The following STK10 variants were observed in gnomAD, a reference collection of about 807,000 sequenced individuals.
STK10 encodes serine/threonine kinase 10, also known as serine/threonine-protein kinase 10.
STK10 carries 78 observed loss-of-function variants against 113.8 expected under a neutral mutation model. The ratio of observed to expected loss-of-function variants is 0.69; its 90% confidence interval spans 0.57 to 0.83. The LOEUF (loss-of-function observed/expected upper bound fraction) is 0.83, where lower values mean the gene tolerates loss of function less well. STK10 is among the 40% of genes least tolerant of loss of function. The pLI is 0.00. For missense variants in STK10, 1,109 were observed against 1,280.1 expected (o/e 0.87, Z 2.04); for synonymous variants, 465 against 494.7 (o/e 0.94, Z 0.80).
intron 5 of STK10, among the ~76,000 whole-genome samples, chr5:172,107,362 C>G (rs1581159828): frequency 6.6e-6 from 1 of 152,156 alleles, no homozygotes; most frequent in Non-Finnish European, 1.5e-5. Context: ...GAAGGAAACA[C>G]GACAGACTAC....
At chr5:172,116,442 A>C (rs1313879307) in intron 4 of STK10, among the ~76,000 whole-genome samples, 5 of 152,004 alleles carry the variant, frequency 3.3e-5, no homozygotes, top group African/African-American at 1.2e-4. Flanking sequence ...AGAAGTACAC[A>C]TGAGAAGAGC....
intron 13 of STK10, among the ~76,000 whole-genome samples, chr5:172,061,987 T>C (rs181465570): frequency 0.011 from 1,709 of 151,694 alleles, 36 homozygotes; most frequent in African/African-American, 0.039. Context: ...TTTTTCTTTT[T>C]TTTTTTTTGA....
chr5:172,149,812 G>A (rs867924116), intron 2 of STK10, among the ~76,000 whole-genome samples: 3 of 152,000 alleles, frequency 2.0e-5, no homozygotes, highest in South Asian at 2.1e-4. Flanking sequence ...TTGGGAGGCC[G>A]AGGCGGGTGG....
chr5:172,119,271 G>A (rs1489548162), intron 3 of STK10, among the ~76,000 whole-genome samples: 1 of 152,176 alleles, frequency 6.6e-6, no homozygotes, highest in African/African-American at 2.4e-5. Flanking sequence ...GGCAAATGAA[G>A]GGAAAGTGAC....
chr5:172,181,725 G>T lies in STK10; in HGVS notation c.156+6162C>A, dbSNP rs573335106. On this transcript the variant is annotated intron_variant, in intron 1 of 18. Transcript: ENST00000176763. ...TCTCGAACTCCTGACCTCAGGTTAT[G>T]CTCCCACCTCGGGAGGTGGAGGTTG... is the stretch of plus-strand genomic sequence containing the variant. Among the ~76,000 whole-genome samples the T allele has an allele frequency of 2.4e-3, 352 of 148,288 alleles. 1 individual carries two copies. The highest frequency in any genetic ancestry group is 8.5e-3 in the African/African-American group (341 of 40,224).
Position 172,082,933 on chromosome 5 carries a change from G to A in STK10, c.1809+28C>T. On this transcript the variant is annotated intron_variant, in intron 11 of 18. Transcript: ENST00000176763. This position sits in a 1 kb window ranked among gnomAD's most constrained non-coding sequence, Gnocchi z 4.3. ...AGAACACCTGGAGGCAAGAAGCCCTGCAGGGTCCCATCTTTTCTCGCACTC... is the reference window on the plus strand; with the variant it reads ...AGAACACCTGGAGGCAAGAAGCCCTACAGGGTCCCATCTTTTCTCGCACTC... 2 of 1,610,848 alleles carry A rather than the reference G, an allele frequency of 1.2e-6. No individual in the cohort carries two copies. The highest frequency in any genetic ancestry group is 1.7e-6 in the Non-Finnish European group (2 of 1,178,998).
intron 1 of STK10, among the ~76,000 whole-genome samples, chr5:172,180,414 G>A (rs148661042): frequency 0.011 from 1,706 of 152,292 alleles, 40 homozygotes; most frequent in African/African-American, 0.038. Flanking sequence ...GCAGTAAGCC[G>A]AGTTCGTGCC....
At chr5:172,125,877 A>C (rs139576831) in intron 3 of STK10, among the ~76,000 whole-genome samples, 2 of 152,296 alleles carry the variant, frequency 1.3e-5, no homozygotes, top group African/African-American at 4.8e-5. Flanking sequence ...TTTTAGCATT[A>C]TATTTTTGGG....
At chr5:172,121,845 C>T (rs1026127449) in intron 3 of STK10, among the ~76,000 whole-genome samples, 5 of 151,454 alleles carry the variant, frequency 3.3e-5, no homozygotes, top group African/African-American at 1.2e-4. Context: ...GGATTACAGG[C>T]ATGGGCCACT....
intron 4 of STK10, among the ~76,000 whole-genome samples, chr5:172,108,627 A>C (rs1305802085): frequency 6.6e-6 from 1 of 151,290 alleles, no homozygotes; most frequent in Non-Finnish European, 1.5e-5. Context: ...AAAAAAAAAA[A>C]AAAAAAAATT....
chr5:172,128,399 TG>T (rs1769675460), intron 2 of STK10, among the ~76,000 whole-genome samples: 1 of 148,572 alleles, frequency 6.7e-6, no homozygotes, highest in African/African-American at 2.5e-5. Context: ...TAGCGTGCAA[TG>T]GCACAATCTT....
Position 172,187,839 on chromosome 5 carries a change from T to C in STK10, c.156+48A>G, listed in dbSNP as rs1376666869. ...GGGTCCGGCTCAGGCATCCCTTCCTTCCGGAGCCCCTCGACGCGCGTCCGG... is the reference window on the plus strand; with the variant it reads ...GGGTCCGGCTCAGGCATCCCTTCCTCCCGGAGCCCCTCGACGCGCGTCCGG... On this transcript the variant is annotated intron_variant, in intron 1 of 18. Coordinates refer to ENST00000176763, the MANE Select transcript of STK10 (RefSeq NM_005990.4). This position sits in a 1 kb window ranked among gnomAD's most constrained non-coding sequence, Gnocchi z 4.6. 6.3e-7 allele frequency: 1 copy of C among 1,598,494 alleles called. No individual in the cohort carries two copies.
At chr5:172,159,933 T>C (rs1770434565) in intron 1 of STK10, among the ~76,000 whole-genome samples, 3 of 151,324 alleles carry the variant, frequency 2.0e-5, no homozygotes, top group African/African-American at 2.4e-5. Context: ...GTCAGGAGTT[T>C]GAGACCATCC....
chr5:172,077,341 C>CG (rs1299700506), intron 12 of STK10, among the ~76,000 whole-genome samples: 24 of 152,232 alleles, frequency 1.6e-4, no homozygotes, highest in African/African-American at 5.3e-4. Flanking sequence ...GAACTTTGCC[C>CG]GGGAAGGCAG....
chr5:172,052,827 A>G, intron 18 of STK10, 102 bp downstream of exon 18: 1 of 1,088,576 alleles, frequency 9.2e-7, no homozygotes, highest in Non-Finnish European at 1.4e-6. Context: ...CCACAAAGCA[A>G]GAGTCCACCA....
At chr5:172,156,427 T>A (rs936435015) in intron 2 of STK10, among the ~76,000 whole-genome samples, 197 bp downstream of exon 2, 1 of 152,202 alleles carries the variant, frequency 6.6e-6, no homozygotes, top group Non-Finnish European at 1.5e-5. Flanking sequence ...TCCAAATCAC[T>A]AGTTCTACTC....
At chr5:172,065,530 T>C (rs115215859) in intron 12 of STK10, among the ~76,000 whole-genome samples, 1,834 of 152,274 alleles carry the variant, frequency 0.012, 19 homozygotes, top group Non-Finnish European at 0.016. Context: ...TGGCCGAGAA[T>C]GCATACTTTA....
intron 18 of STK10, 49 bp downstream of exon 18, chr5:172,052,880 G>C: frequency 6.4e-7 from 1 of 1,570,680 alleles, no homozygotes; most frequent in Non-Finnish European, 8.8e-7. Flanking sequence ...GCCTGTGCAT[G>C]GCACAGAGCA....
At chr5:172,169,114 C>T (rs561026029) in intron 1 of STK10, among the ~76,000 whole-genome samples, 80 of 152,290 alleles carry the variant, frequency 5.3e-4, no homozygotes, top group African/African-American at 1.8e-3. Flanking sequence ...CCAGCAAAAT[C>T]GAACTCAACC....
Sources: gnomAD v4.1 joint callset for allele counts (sites outside exome capture counted in the v4.1 genomes callset) on GRCh38, gnomAD v4.1.1 for gene constraint, Gnocchi (gnomAD v3.1) non-coding constraint, MANE v1.5 for transcripts, NCBI Gene and HGNC (gene_info 2026-07-23, HGNC 2026-07-21) for gene names.